Variants in IMMP2L observed in about 807,000 individuals in gnomAD.
The protein encoded by IMMP2L is inner mitochondrial membrane peptidase subunit 2.
Under a neutral mutation model 19.3 loss-of-function variants are expected in IMMP2L, and 18 were observed. The observed-to-expected ratio is 0.93, with a 90% confidence interval of 0.64 to 1.38. The LOEUF (loss-of-function observed/expected upper bound fraction) is 1.38, where lower values mean the gene tolerates loss of function less well. Ranked by LOEUF, IMMP2L falls within the 40% of genes most tolerant of loss-of-function variation. The probability of loss-of-function intolerance (pLI) is 0.00; values close to 1 mark genes in which losing one functional copy is unlikely to be tolerated. For missense variants in IMMP2L, 233 were observed against 218.2 expected, an observed-to-expected ratio of 1.07 and a Z score of -0.43; for synonymous variants, 76 against 73.0, an observed-to-expected ratio of 1.04 and a Z score of -0.21.
intron 3 of IMMP2L, among the ~76,000 whole-genome samples, chr7:111,215,407 C>A (rs1272037674): frequency 6.6e-6 from 1 of 152,038 alleles, no homozygotes; most frequent in Non-Finnish European, 1.5e-5. Flanking sequence ...ATACAGCTAG[C>A]AAATAAGTAA....
intron 3 of IMMP2L, among the ~76,000 whole-genome samples, chr7:111,353,946 ACATAGGGTC>A (rs1828437767): frequency 6.6e-6 from 1 of 152,072 alleles, no homozygotes. Flanking sequence ...ATAGCTGCCT[ACATAGGGTC>A]CTCTGACAGA....
At chr7:110,841,747 A>C (rs1257328109) in intron 5 of IMMP2L, among the ~76,000 whole-genome samples, 1 of 152,144 alleles carries the variant, frequency 6.6e-6, no homozygotes, top group African/African-American at 2.4e-5. Flanking sequence ...AAGACCTACT[A>C]TACCTGGACT....
intron 3 of IMMP2L, among the ~76,000 whole-genome samples, chr7:110,973,682 A>G (rs1820394178): frequency 6.6e-6 from 1 of 152,098 alleles, no homozygotes. Context: ...CCCGCCCACA[A>G]GTGTTGTTCC....
At chr7:111,288,882 C>A (rs1820784022) in intron 3 of IMMP2L, among the ~76,000 whole-genome samples, 1 of 151,936 alleles carries the variant, frequency 6.6e-6, no homozygotes, top group Admixed American at 6.6e-5. Flanking sequence ...GATGTAGAAC[C>A]AGAAATACCA....
At chr7:111,016,002 G>C (rs1033358325) in intron 3 of IMMP2L, among the ~76,000 whole-genome samples, 1 of 152,016 alleles carries the variant, frequency 6.6e-6, no homozygotes, top group African/African-American at 2.4e-5. Flanking sequence ...GGAATCCTCA[G>C]ACAACAAACT....
In IMMP2L at chr7:111,339,607, G is replaced by A. The variant is rs186083089; in HGVS notation, c.239+147631C>T. Among the ~76,000 whole-genome samples, 8 of 151,868 alleles carry A rather than the reference G, an allele frequency of 5.3e-5. No homozygotes were observed. The East Asian group carries it at 1.4e-3, about 26-fold the overall frequency. Reference sequence around the variant, plus strand: ...AGTGACTGAAAAAACTGGAAGTAAGGAGGAGTAATTAAACAAACTACACCA... The same window carrying A: ...AGTGACTGAAAAAACTGGAAGTAAGAAGGAGTAATTAAACAAACTACACCA... On this transcript the variant is annotated intron_variant, in intron 3 of 5. Coordinates refer to ENST00000405709, the MANE Select transcript of IMMP2L (RefSeq NM_032549.4).
At chr7:110,756,589 A>C (rs1798056743) in intron 5 of IMMP2L, among the ~76,000 whole-genome samples, 1 of 152,114 alleles carries the variant, frequency 6.6e-6, no homozygotes, top group African/African-American at 2.4e-5. Context: ...AGAATGACTG[A>C]TTCTGGAATG....
intron 5 of IMMP2L, among the ~76,000 whole-genome samples, chr7:110,824,389 T>C (rs1039361766): frequency 5.3e-5 from 8 of 152,144 alleles, no homozygotes; most frequent in African/African-American, 1.4e-4. Context: ...ACTTAACGTA[T>C]ATTAGAACTC....
chr7:110,908,765 G>C (rs1465179181), intron 4 of IMMP2L, among the ~76,000 whole-genome samples: 1 of 152,160 alleles, frequency 6.6e-6, no homozygotes, highest in Non-Finnish European at 1.5e-5. Context: ...GAATAAATCT[G>C]TATCTATGAA....
rs79275578 is a variant in IMMP2L at position 111,392,740 on chromosome 7, C to T, written c.239+94498G>A. 60 of 456,538 alleles carry T rather than the reference C, an allele frequency of 1.3e-4. No individual in the cohort carries two copies. The East Asian group carries it at 3.8e-3, about 29-fold the overall frequency. The allele number at this position is 456,538 out of a possible 1,614,324, so 28.3% of individuals were successfully genotyped here. On this transcript the variant is annotated intron_variant, in intron 3 of 5. Transcript: ENST00000405709. ...AAGTCTGAGGTGGGAGGGTCCTCCC[C>T]TCACTTCAGGTTCAGTAATTTGCTA...
At chr7:110,697,429 T>C (rs748150835) in intron 5 of IMMP2L, among the ~76,000 whole-genome samples, 18 of 152,210 alleles carry the variant, frequency 1.2e-4, no homozygotes, top group Non-Finnish European at 2.2e-4. Flanking sequence ...GTTGAAGGAA[T>C]CTCCAATAGA....
At chr7:111,099,499 T>C (rs1021434287) in intron 3 of IMMP2L, among the ~76,000 whole-genome samples, 21 of 151,720 alleles carry the variant, frequency 1.4e-4, no homozygotes, top group Non-Finnish European at 2.5e-4. Flanking sequence ...CGTTCTATAT[T>C]AGCTGTTTGT....
In IMMP2L at chr7:110,760,803, C is replaced by T. The variant is rs1798308116; in HGVS notation, c.409-97082G>A. Among the ~76,000 whole-genome samples the T allele has an allele frequency of 6.6e-6, 1 of 152,112 alleles. No homozygotes were observed. The highest frequency in any genetic ancestry group is 2.4e-5 in the African/African-American group (1 of 41,420). ...CTGACTAAACACCTATTTCTTACTA[C>T]AAGTGTAGAACGCCAGATAGGATCA... On this transcript the variant is annotated intron_variant, in intron 5 of 5. Coordinates refer to ENST00000405709, the MANE Select transcript of IMMP2L (RefSeq NM_032549.4). The surrounding 1 kb of genome is among the most constrained non-coding windows in gnomAD (Gnocchi z 4.2).
At chr7:111,152,738 G>T (rs376038021) in intron 3 of IMMP2L, among the ~76,000 whole-genome samples, 2 of 151,968 alleles carry the variant, frequency 1.3e-5, no homozygotes, top group Non-Finnish European at 2.9e-5. Context: ...CATCTTCTCC[G>T]AAGTTTTACT....
chr7:111,525,355 A>C (rs533494515), intron 1 of IMMP2L, among the ~76,000 whole-genome samples: 5 of 152,102 alleles, frequency 3.3e-5, no homozygotes, highest in Non-Finnish European at 5.9e-5. Context: ...CATGAATGGG[A>C]GGAGGCAATG....
chr7:111,405,071 C>G (rs1833797906), intron 3 of IMMP2L, among the ~76,000 whole-genome samples: 1 of 152,118 alleles, frequency 6.6e-6, no homozygotes, highest in South Asian at 2.1e-4. Context: ...AATCAGTTAT[C>G]TTTCTGAGCT....
At chr7:110,964,221 T>C (rs140629838) in intron 3 of IMMP2L, among the ~76,000 whole-genome samples, 5 of 152,182 alleles carry the variant, frequency 3.3e-5, no homozygotes, top group Non-Finnish European at 5.9e-5. Context: ...AGTATCTTTA[T>C]AGCAGTGTGA....
At chr7:110,830,967 C>T (rs562987737) in intron 5 of IMMP2L, among the ~76,000 whole-genome samples, 1 of 152,270 alleles carries the variant, frequency 6.6e-6, no homozygotes, top group East Asian at 1.9e-4. Flanking sequence ...GGTCAGAAGT[C>T]AGAACTGGCT....
intron 3 of IMMP2L, among the ~76,000 whole-genome samples, chr7:111,385,286 A>G (rs1831621614): frequency 6.6e-6 from 1 of 152,140 alleles, no homozygotes. Flanking sequence ...CTATTAACCA[A>G]ATCTTGGATT....
Sources: gnomAD v4.1 joint callset for allele counts (sites outside exome capture counted in the v4.1 genomes callset) on GRCh38, gnomAD v4.1.1 for gene constraint, Gnocchi (gnomAD v3.1) non-coding constraint, MANE v1.5 for transcripts, NCBI Gene and HGNC (gene_info 2026-07-23, HGNC 2026-07-21) for gene names.